Variants in TMCO6 observed in about 807,000 individuals in gnomAD.
TMCO6 encodes the protein transmembrane and coiled-coil domain-containing protein 6.
Under a neutral mutation model 61.8 loss-of-function variants are expected in TMCO6, and 47 were observed. That is an observed-to-expected ratio of 0.76 (90% CI 0.60 to 0.97). The LOEUF is 0.97. TMCO6 is among the 50% of genes least tolerant of loss of function. The pLI, the probability that TMCO6 is intolerant of heterozygous loss-of-function variation, is 0.00. For synonymous variants in TMCO6, 261 were observed against 254.2 expected (o/e 1.03, Z -0.25); for missense variants, 557 against 601.6 (o/e 0.93, Z 0.78).
chr5:140,639,586 G>A lies in TMCO6; in HGVS notation c.59G>A (p.Arg20Gln). The part of the protein sequence containing the change: ...RPTVCGVEEL[R>Q]RRRREREAAL... ...ACGGTCTGCGGGGTGGAGGAGCTACGGCGCCGCCGGCGGGAGCGGGAGGCA... is the reference window on the plus strand; with the variant it reads ...ACGGTCTGCGGGGTGGAGGAGCTACAGCGCCGCCGGCGGGAGCGGGAGGCA... Residue 20 changes from arginine (R) to glutamine (Q), a missense_variant, in exon 1 of 12, where the codon CGG (arginine) becomes CAG (glutamine). By Grantham distance (43) the Arg-to-Gln change is conservative. Transcript: ENST00000394671. 6.5e-7 allele frequency: 1 copy of A among 1,544,682 alleles called. No individual in the cohort carries two copies. Among genetic ancestry groups the A allele is most frequent in the Non-Finnish European group, 8.7e-7 (1 of 1,144,004 alleles).
the TMCO6 span, among the ~76,000 whole-genome samples, chr5:140,598,620 G>T: frequency 1.3e-5 from 2 of 152,162 alleles, no homozygotes; most frequent in African/African-American, 4.8e-5. Context: ...CACTAGGTGT[G>T]CAAAGCCCAG....
At chr5:140,643,502 C>T in intron 7 of TMCO6, 62 bp from the exon 8 acceptor site, 1 of 1,505,014 alleles carries the variant, frequency 6.6e-7, no homozygotes, top group East Asian at 2.3e-5. Flanking sequence ...TAGGCAACTG[C>T]TTCTCTTCTT....
the TMCO6 span, among the ~76,000 whole-genome samples, chr5:140,624,114 C>A: frequency 6.6e-6 from 1 of 152,048 alleles, no homozygotes; most frequent in Non-Finnish European, 1.5e-5. Flanking sequence ...TGCCTGTAAT[C>A]CCAGCACTGT....
the TMCO6 span, among the ~76,000 whole-genome samples, chr5:140,610,388 A>G: frequency 7.2e-5 from 11 of 151,876 alleles, no homozygotes; most frequent in Non-Finnish European, 1.3e-4. Context: ...AGTAGGAACA[A>G]TGGTCTCCTT....
rs1435739782 is a variant in TMCO6, at chr5:140,642,399, G to A, written c.583G>A (p.Ala195Thr). 1 of 1,613,104 alleles carries A rather than the reference G, an allele frequency of 6.2e-7. No homozygotes were observed. The highest frequency in any genetic ancestry group is 1.1e-5 in the South Asian group (1 of 90,848). The part of the protein sequence containing the change: ...RQLLPQGIVP[A>T]LAACIQSPHV... ...GCTCCTGCCACAGGGCATTGTTCCA[G>A]CCTTGGCTGCCTGCATCCAGGTGAC... Residue 195 changes from alanine to threonine, a missense_variant, in exon 5 of 12, where the codon GCC becomes ACC. Coordinates refer to ENST00000394671, the MANE Select transcript of TMCO6 (RefSeq NM_018502.5).
upstream of TMCO6, among the ~76,000 whole-genome samples, chr5:140,636,416 C>A (rs1248301184): frequency 6.6e-6 from 1 of 151,242 alleles, no homozygotes; most frequent in Non-Finnish European, 1.5e-5. Context: ...CTGTGATAAG[C>A]CATGATTGCA....
At chr5:140,627,612 A>G in the TMCO6 span, among the ~76,000 whole-genome samples, 1 of 152,238 alleles carries the variant, frequency 6.6e-6, no homozygotes, top group African/African-American at 2.4e-5. Context: ...CTTTAAGCCA[A>G]TTAATTAGAG....
the TMCO6 span, among the ~76,000 whole-genome samples, chr5:140,623,142 G>A: frequency 1.3e-5 from 2 of 152,204 alleles, no homozygotes; most frequent in Non-Finnish European, 2.9e-5. Flanking sequence ...AGTTCCCCTT[G>A]AGAAAGAGAA....
chr5:140,603,519 G>T, the TMCO6 span, among the ~76,000 whole-genome samples: 1 of 152,094 alleles, frequency 6.6e-6, no homozygotes, highest in Non-Finnish European at 1.5e-5. Context: ...TGTTGGCCAG[G>T]TTGGTCTCAA....
chr5:140,633,210 C>G, the TMCO6 span: 2 of 1,065,666 alleles, frequency 1.9e-6, no homozygotes, highest in African/African-American at 3.1e-5. Flanking sequence ...TTTATGTAAT[C>G]CTGGGATGTC....
chr5:140,642,363 GT>G lies in TMCO6; in HGVS notation c.548del (p.Val183GlyfsTer133). 6.2e-7 allele frequency: 1 copy of G among 1,613,910 alleles called. No individual in the cohort carries two copies. ...TAACCTGATCGTGGAGAGTGAGGCTGTGAGAAGGCAGCTCCTGCCACAGGGC... is the reference window on the plus strand; with the variant it reads ...TAACCTGATCGTGGAGAGTGAGGCTGGAGAAGGCAGCTCCTGCCACAGGGC... Reference protein sequence around the residue: ...LGNLIVESEAVRRQLLPQGIV... With the variant: ...LGNLIVESEAXRRQLLPQGIV... On this transcript the variant is annotated frameshift_variant, in exon 5 of 12. Transcript: ENST00000394671. LOFTEE classifies it high-confidence loss of function.
At position 140,642,051 on chromosome 5, in the gene TMCO6, A is replaced by G; in HGVS notation, c.496A>G (p.Ile166Val). 1 of 1,603,146 alleles carries G rather than the reference A, an allele frequency of 6.2e-7. No individual in the cohort carries two copies. Among genetic ancestry groups the G allele is most frequent in the Non-Finnish European group, 8.5e-7 (1 of 1,170,906 alleles). The change falls in exon 4 of 12, where the codon ATA becomes GTA. Residue 166 changes from isoleucine (I) to valine (V), a missense_variant and splice_region_variant. By Grantham distance (29) the Ile-to-Val change is conservative. Coordinates refer to ENST00000394671, the MANE Select transcript of TMCO6 (RefSeq NM_018502.5). The part of the protein sequence containing the change: ...TYLSSHSSDF[I>V]ELCLYTLGNL... ...CCTCTCCAGTCACAGCTCAGACTTC[A>G]TAGTAAGCCCTGTCCCTTCCTATCT... is the stretch of plus-strand genomic sequence containing the variant.
chr5:140,645,604 G>T, downstream of TMCO6: 1 of 1,614,136 alleles, frequency 6.2e-7, no homozygotes, highest in Non-Finnish European at 8.5e-7. Context: ...TTACCACTTA[G>T]AACGTTCTCC....
the TMCO6 span, among the ~76,000 whole-genome samples, chr5:140,616,330 C>T: frequency 1.3e-5 from 2 of 151,786 alleles, no homozygotes; most frequent in African/African-American, 2.4e-5. Flanking sequence ...AAGGCCAATG[C>T]GGGAGGATTG....
chr5:140,622,739 A>AG, the TMCO6 span, among the ~76,000 whole-genome samples: 2 of 138,574 alleles, frequency 1.4e-5, no homozygotes, highest in South Asian at 2.3e-4. Flanking sequence ...AAAAAAAAAA[A>AG]AAAGAAAGAA....
At chr5:140,600,246 G>C in the TMCO6 span, among the ~76,000 whole-genome samples, 1 of 152,076 alleles carries the variant, frequency 6.6e-6, no homozygotes, top group Non-Finnish European at 1.5e-5. Flanking sequence ...GGAATTCTCT[G>C]GTCCAAAGTC....
At chr5:140,631,818 A>G in the TMCO6 span, 1 of 1,513,720 alleles carries the variant, frequency 6.6e-7, no homozygotes. Context: ...CCCTGAAGCC[A>G]AGGCAGTTTG....
At chr5:140,602,546 T>C in the TMCO6 span, among the ~76,000 whole-genome samples, 441 of 152,188 alleles carry the variant, frequency 2.9e-3, 2 homozygotes, top group African/African-American at 0.01. Context: ...CGTGGATCAC[T>C]TGAGGTCAGG....
the TMCO6 span, among the ~76,000 whole-genome samples, chr5:140,614,195 G>C: frequency 6.8e-6 from 1 of 147,408 alleles, no homozygotes; most frequent in South Asian, 2.5e-4. Context: ...CACTGAGCCC[G>C]GCCATCTCTC....
Sources: allele counts gnomAD v4.1 joint callset (sites outside exome capture counted in the v4.1 genomes callset), GRCh38; gene constraint gnomAD v4.1.1; transcripts MANE v1.5; gene names NCBI Gene and HGNC (gene_info 2026-07-23, HGNC 2026-07-21).